NELL1: variants seen among roughly 807,000 people sequenced by gnomAD.
NELL1 encodes protein kinase C-binding protein NELL1.
In NELL1, 76 loss-of-function variants were observed where a neutral mutation model predicts 107.4. The ratio of observed to expected loss-of-function variants is 0.71; its 90% CI spans 0.59 to 0.86. NELL1 has a LOEUF of 0.86. NELL1 is among the 40% of genes least tolerant of loss of function. NELL1 has a pLI of 0.00. For missense variants in NELL1, 1,024 were observed against 1,005.5 expected, an observed-to-expected ratio of 1.02 and a Z score of -0.25; for synonymous variants, 353 against 341.2, an observed-to-expected ratio of 1.03 and a Z score of -0.38.
intron 14 of NELL1, among the ~76,000 whole-genome samples, chr11:21,367,869 G>A (rs977348954): frequency 6.6e-5 from 10 of 152,006 alleles, no homozygotes; most frequent in African/African-American, 1.2e-4. Flanking sequence ...GCAATGTAGC[G>A]GTGACCCAGC....
At chr11:20,851,756 TAAG>T (rs1289907156) in intron 4 of NELL1, among the ~76,000 whole-genome samples, 2 of 152,238 alleles carry the variant, frequency 1.3e-5, no homozygotes, top group African/African-American at 4.8e-5. Flanking sequence ...TACAAGGAAA[TAAG>T]AGTCCTTGCC....
chr11:21,573,103 G>A, intron 18 of NELL1, 82 bp from the exon 19 acceptor site: 1 of 1,011,458 alleles, frequency 9.9e-7, no homozygotes, highest in Admixed American at 1.9e-5. Flanking sequence ...GAATTACTGT[G>A]CTCTCTTTCC....
chr11:21,340,766 G>A (rs1400937969), intron 14 of NELL1, among the ~76,000 whole-genome samples: 1 of 152,084 alleles, frequency 6.6e-6, no homozygotes, highest in African/African-American at 2.4e-5. Context: ...TTGTGAAGAT[G>A]GGAGAGATGC....
At chr11:21,271,802 A>G (rs1200843196) in intron 14 of NELL1, among the ~76,000 whole-genome samples, 2 of 152,228 alleles carry the variant, frequency 1.3e-5, no homozygotes, top group Non-Finnish European at 1.5e-5. Flanking sequence ...TATCCCAGGT[A>G]AGGCAAGACT....
At chr11:21,006,784 C>G (rs1394191382) in intron 12 of NELL1, among the ~76,000 whole-genome samples, 1 of 152,076 alleles carries the variant, frequency 6.6e-6, no homozygotes. Flanking sequence ...ACAATACTTT[C>G]CACTTGGTAT....
chr11:21,060,039 CT>C (rs1853702404), intron 12 of NELL1, among the ~76,000 whole-genome samples: 2 of 152,176 alleles, frequency 1.3e-5, no homozygotes, highest in Non-Finnish European at 2.9e-5. Context: ...GTGCCTTATG[CT>C]AATGAACCAC....
At chr11:20,687,988 C>A (rs1213576203) in intron 2 of NELL1, among the ~76,000 whole-genome samples, 2 of 151,842 alleles carry the variant, frequency 1.3e-5, no homozygotes, top group Admixed American at 6.6e-5. Context: ...TAATTGAATC[C>A]CTATAATGCT....
intron 11 of NELL1, among the ~76,000 whole-genome samples, chr11:20,955,250 C>G (rs2134207754): frequency 6.6e-6 from 1 of 152,306 alleles, no homozygotes; most frequent in East Asian, 1.9e-4. Flanking sequence ...GCCAGTTAGA[C>G]TCTTGCTCTG....
chr11:21,158,461 A>G (rs1438896300), intron 13 of NELL1, among the ~76,000 whole-genome samples: 1 of 152,202 alleles, frequency 6.6e-6, no homozygotes, highest in East Asian at 1.9e-4. Context: ...GTACCTTGCT[A>G]TTGTATATGA....
chr11:21,187,950 GTA>G (rs779748228), intron 13 of NELL1, among the ~76,000 whole-genome samples: 7 of 151,826 alleles, frequency 4.6e-5, no homozygotes, highest in Non-Finnish European at 1.0e-4. Flanking sequence ...TTTCTTTTCT[GTA>G]TAATAGGCAG....
At chr11:21,246,587 G>A (rs929828971) in intron 14 of NELL1, among the ~76,000 whole-genome samples, 13 of 152,158 alleles carry the variant, frequency 8.5e-5, no homozygotes, top group African/African-American at 2.6e-4. Context: ...TAGACTCTAC[G>A]ATATGGCCTA....
At chr11:21,288,953 A>C (rs1402974674) in intron 14 of NELL1, among the ~76,000 whole-genome samples, 1 of 152,160 alleles carries the variant, frequency 6.6e-6, no homozygotes, top group Non-Finnish European at 1.5e-5. Context: ...TCTAAGAAGG[A>C]GTGTTCTAAG....
Position 20,712,083 on chromosome 11 carries a change from C to G in NELL1, c.184+34023C>G, listed in dbSNP as rs1564874658. Among the ~76,000 whole-genome samples the G allele has an allele frequency of 1.3e-5, 2 of 152,162 alleles. 1 individual carries two copies. The highest frequency in any genetic ancestry group is 6.8e-3 in the Middle Eastern group (2 of 294). On this transcript the variant is annotated intron_variant, in intron 2 of 19. Transcript: ENST00000357134. ...GATTTTTCTTTCTCCTCAGGAGCAC[C>G]AATTATTCTTAGATTTGGTCATATA...
rs146718354 is a variant in NELL1 at position 21,218,487 on chromosome 11, T to G, written c.1427-10845T>G. Reference sequence around the variant, plus strand: ...CTCAAATATTTATCATTTCTTTGTGTTAGGAAAATTCAAAATTCTATTTTC... The same window carrying G: ...CTCAAATATTTATCATTTCTTTGTGGTAGGAAAATTCAAAATTCTATTTTC... On this transcript the variant is annotated intron_variant, in intron 13 of 19. Coordinates refer to ENST00000357134, the MANE Select transcript of NELL1 (RefSeq NM_006157.5). 5.9e-5 allele frequency among the ~76,000 whole-genome samples: 9 copies of G among 152,302 alleles called. No individual in the cohort carries two copies. In the East Asian group the frequency reaches 1.7e-3, roughly 29 times the overall value.
intron 12 of NELL1, among the ~76,000 whole-genome samples, chr11:21,048,685 T>G (rs2134343551): frequency 6.6e-6 from 1 of 152,288 alleles, no homozygotes; most frequent in South Asian, 2.1e-4. Flanking sequence ...ATAAGCATGC[T>G]TAGCACTGTT....
intron 14 of NELL1, among the ~76,000 whole-genome samples, chr11:21,317,817 G>C (rs1308888958): frequency 1.3e-5 from 2 of 151,996 alleles, no homozygotes; most frequent in African/African-American, 4.8e-5. Context: ...TAGTCTCTGG[G>C]CTTCTGCTCA....
chr11:20,697,227 C>T (rs1051841584), intron 2 of NELL1, among the ~76,000 whole-genome samples: 5 of 152,036 alleles, frequency 3.3e-5, no homozygotes, highest in Non-Finnish European at 7.4e-5. Context: ...TTTTGGAACA[C>T]CTCTGCTTTG....
At chr11:21,066,808 G>A (rs1308635235) in intron 12 of NELL1, among the ~76,000 whole-genome samples, 1 of 151,984 alleles carries the variant, frequency 6.6e-6, no homozygotes, top group East Asian at 1.9e-4. Context: ...ACAAAAGTTA[G>A]CTGGGTGTGA....
chr11:21,184,993 TCG>T (rs1856903516), intron 13 of NELL1, among the ~76,000 whole-genome samples: 1 of 151,888 alleles, frequency 6.6e-6, no homozygotes, highest in Non-Finnish European at 1.5e-5. Flanking sequence ...TAACAGCCAA[TCG>T]CATAAGAATT....
Sources: allele counts gnomAD v4.1 joint callset (sites outside exome capture counted in the v4.1 genomes callset), GRCh38; gene constraint gnomAD v4.1.1; transcripts MANE v1.5; gene names NCBI Gene and HGNC (gene_info 2026-07-23, HGNC 2026-07-21).